POLK: variants seen among roughly 807,000 people sequenced by gnomAD.
The protein encoded by POLK is polymerase (DNA directed) kappa.
POLK carries 76 observed loss-of-function variants against 94.0 expected under a neutral mutation model. That is an observed-to-expected ratio of 0.81 (90% CI 0.67 to 0.98). The LOEUF (loss-of-function observed/expected upper bound fraction) is 0.98. Ranked by LOEUF, POLK falls within the 50% of genes least tolerant of loss-of-function variation. The pLI is 0.00. For synonymous variants in POLK, 349 were observed against 325.4 expected, an observed-to-expected ratio of 1.07 and a Z score of -0.78; for missense variants, 954 against 1,010.1, an observed-to-expected ratio of 0.94 and a Z score of 0.75.
downstream of POLK, among the ~76,000 whole-genome samples, chr5:75,604,740 A>G (rs1328701354): frequency 6.6e-6 from 1 of 152,146 alleles, no homozygotes; most frequent in Admixed American, 6.6e-5. Context: ...ATTTGAACAC[A>G]CTTTGTGTTG....
intron 1 of POLK, among the ~76,000 whole-genome samples, chr5:75,541,977 A>C (rs60854109): frequency 0.078 from 11,910 of 152,268 alleles, 555 homozygotes; most frequent in South Asian, 0.17. Flanking sequence ...AGGAAATTTT[A>C]AAGTAGATCA....
chr5:75,602,668 G>A (rs72633975), downstream of POLK, among the ~76,000 whole-genome samples: 19,604 of 152,178 alleles, frequency 0.13, 1,370 homozygotes, highest in East Asian at 0.23. Flanking sequence ...AGGAGGATGG[G>A]CTATGCGTTT....
chr5:75,562,439 A>G (rs956903038), intron 3 of POLK, among the ~76,000 whole-genome samples: 4 of 152,332 alleles, frequency 2.6e-5, no homozygotes, highest in East Asian at 1.9e-4. Context: ...TAAATATACA[A>G]TCATGTCACC....
intron 1 of POLK, among the ~76,000 whole-genome samples, chr5:75,518,455 G>A (rs1768417892): frequency 6.6e-6 from 1 of 151,918 alleles, no homozygotes; most frequent in Non-Finnish European, 1.5e-5. Flanking sequence ...ATGATTCTTT[G>A]TATTTCTGTG....
Position 75,597,921 on chromosome 5 carries a change from CT to C in POLK, c.2529-9del. 1.4e-6 allele frequency: 2 copies of C among 1,398,264 alleles called. No homozygotes were observed. The highest frequency in any genetic ancestry group is 1.9e-6 in the Non-Finnish European group (2 of 1,036,006). The allele number at this position is 1,398,264 out of a possible 1,614,324, so 86.6% of individuals were successfully genotyped here. ...CTTCCTGCATTTTAATTGTGTGTTC[CT>C]TTTCATTCTAGGCCAGGATTGATGA... is the stretch of plus-strand genomic sequence containing the variant. On this transcript the variant is annotated splice_polypyrimidine_tract_variant and intron_variant, in intron 14 of 14. Coordinates refer to ENST00000241436, the Ensembl canonical transcript of POLK.
intron 1 of POLK, 164 bp downstream of exon 1, chr5:75,512,078 T>C (rs1035833544): frequency 1.5e-5 from 5 of 331,066 alleles, no homozygotes; most frequent in African/African-American, 8.6e-5. Context: ...GTGAGAGAGC[T>C]TTCCGCTGAA....
At position 75,552,710 on chromosome 5, in the gene POLK, G is replaced by A. The variant is rs953161883; in HGVS notation, c.255+119G>A. On this transcript the variant is annotated intron_variant, in intron 3 of 14. Coordinates refer to ENST00000241436, the Ensembl canonical transcript of POLK. ...ATGTAAATGTTCATTATATTGTAAA[G>A]CATACATATTCAGCAAATGAACATA... The A allele has an allele frequency of 6.7e-6, 7 of 1,037,374 alleles. No homozygotes were observed. The African/African-American group carries it at 8.0e-5, about 12-fold the overall frequency. The allele number at this position is 1,037,374 out of a possible 1,614,324, so 64.3% of individuals were successfully genotyped here.
intron 1 of POLK, among the ~76,000 whole-genome samples, chr5:75,516,695 T>C (rs1339163445): frequency 6.6e-6 from 1 of 152,096 alleles, no homozygotes; most frequent in Non-Finnish European, 1.5e-5. Flanking sequence ...AAAACAACTT[T>C]TGGCCAGGCC....
chr5:75,537,866 A>AT (rs1429495657), intron 1 of POLK, among the ~76,000 whole-genome samples: 2 of 150,644 alleles, frequency 1.3e-5, no homozygotes, highest in South Asian at 4.2e-4. Context: ...TTATTTATTT[A>AT]TTTTTTTTGA....
intron 8 of POLK, among the ~76,000 whole-genome samples, 155 bp from the exon 9 acceptor site, chr5:75,584,605 A>G (rs1581081712): frequency 6.6e-6 from 1 of 151,584 alleles, no homozygotes; most frequent in East Asian, 1.9e-4. Flanking sequence ...CAGGAGGTGG[A>G]GGTTGTGGGG....
chr5:75,596,184 T>G (rs1206841279), intron 12 of POLK, 38 bp from the exon 13 acceptor site: 4 of 1,184,012 alleles, frequency 3.4e-6, no homozygotes, highest in Non-Finnish European at 3.7e-6. Context: ...GAATTGGCTT[T>G]GTTCAATTTG....
At chr5:75,561,904 C>CTA (rs1162631487) in intron 3 of POLK, among the ~76,000 whole-genome samples, 7 of 152,198 alleles carry the variant, frequency 4.6e-5, no homozygotes, top group Non-Finnish European at 1.0e-4. Context: ...GTTTTGGCTA[C>CTA]TATAGCCTTG....
intron 11 of POLK, among the ~76,000 whole-genome samples, chr5:75,593,669 C>G (rs1772908658): frequency 6.6e-6 from 1 of 151,948 alleles, no homozygotes; most frequent in Non-Finnish European, 1.5e-5. Flanking sequence ...CATAGTGAGA[C>G]TCTGATTCTA....
chr5:75,523,691 G>A (rs1768693798), intron 1 of POLK, among the ~76,000 whole-genome samples: 1 of 152,188 alleles, frequency 6.6e-6, no homozygotes. Context: ...AATTTTTGAA[G>A]CCTTGGAAAG....
Position 75,596,477 on chromosome 5 carries a change from C to T in POLK, c.1784C>T (p.Thr595Ile), listed in dbSNP as rs5744713. The stretch of plus-strand genomic sequence containing the variant: ...GCCGTGAATAAACAAAGTTTCCAGA[C>T]ATCACAACCATTCCAAGTTTTAAAG... The change falls in exon 13 of 15, where the codon ACA becomes ATA. Residue 595 changes from threonine (T) to isoleucine (I), a missense_variant. By Grantham distance (89) the Thr-to-Ile change is moderately conservative. Transcript: ENST00000241436. The T allele has an allele frequency of 5.6e-6, 9 of 1,613,902 alleles. No homozygotes were observed. In the Admixed American group the frequency reaches 1.0e-4, roughly 18 times the overall value.
upstream of POLK, chr5:75,511,376 C>A (rs12516621): frequency 1.3e-6 from 2 of 1,546,426 alleles, no homozygotes; most frequent in East Asian, 2.4e-5. Flanking sequence ...GCCGCCGCCG[C>A]GCCTGACACC....
rs913681724 is a variant in POLK at position 75,587,100 on chromosome 5, T to C, written c.1259+42T>C. The C allele has an allele frequency of 9.6e-6, 11 of 1,141,604 alleles. No individual in the cohort carries two copies. The African/African-American group carries it at 1.3e-4, about 13-fold the overall frequency. 70.7% of individuals were successfully genotyped at this position (1,141,604 alleles called of 1,614,324 possible). On this transcript the variant is annotated intron_variant, in intron 10 of 14. Transcript: ENST00000241436. ...TATTGTTAATTGTGCATAATTCATG[T>C]TATTTTAAACTAATATTGAATTAAT...
intron 2 of POLK, among the ~76,000 whole-genome samples, chr5:75,547,387 T>G (rs1044263697): frequency 6.6e-6 from 1 of 152,122 alleles, no homozygotes; most frequent in African/African-American, 2.4e-5. Context: ...ATAATGTATA[T>G]GTTCCTGTTC....
At chr5:75,573,591 CAACAAA>C (rs886089470) in intron 4 of POLK, 141 bp from the exon 5 acceptor site, 8 of 638,810 alleles carry the variant, frequency 1.3e-5, no homozygotes, top group East Asian at 1.1e-4. Context: ...TTTTGGAAAA[CAACAAA>C]AACAAAAACA....
Sources: allele counts gnomAD v4.1 joint callset (sites outside exome capture counted in the v4.1 genomes callset), GRCh38; gene constraint gnomAD v4.1.1; transcripts MANE v1.5; gene names NCBI Gene and HGNC (gene_info 2026-07-23, HGNC 2026-07-21).